RBM6: variants seen among roughly 807,000 people sequenced by gnomAD.
RBM6 encodes the protein RNA binding motif protein 6.
A neutral mutation model predicts 140.4 loss-of-function variants in RBM6; 23 were observed. The ratio of observed to expected loss-of-function variants is 0.16; its 90% CI spans 0.12 to 0.23. The LOEUF (loss-of-function observed/expected upper bound fraction) is 0.23, where lower values mean the gene tolerates loss of function less well. RBM6 is among the 10% of genes least tolerant of loss of function. The pLI is 1.00. For synonymous variants in RBM6, 439 were observed against 475.6 expected (o/e 0.92, Z 1.00); for missense variants, 1,139 against 1,386.7 (o/e 0.82, Z 2.84).
chr3:49,953,377 G>A (rs544404216), intron 1 of RBM6, among the ~76,000 whole-genome samples: 2 of 151,874 alleles, frequency 1.3e-5, no homozygotes, highest in African/African-American at 2.4e-5. Context: ...GTGCCACCAC[G>A]CCCAGCTAAT....
intron 15 of RBM6, among the ~76,000 whole-genome samples, chr3:50,063,210 G>C (rs1038698515): frequency 1.3e-5 from 2 of 151,970 alleles, no homozygotes; most frequent in Non-Finnish European, 2.9e-5. Context: ...ATCTTATACT[G>C]TCATAATATA....
At position 50,070,562 on chromosome 3, in the gene RBM6, G is replaced by GAACT. The variant is rs1559656745; in HGVS notation, c.3116+11_3116+14dup. 3 of 1,600,452 alleles carry GAACT rather than the reference G, an allele frequency of 1.9e-6. No homozygotes were observed. In the East Asian group the frequency reaches 6.7e-5, roughly 36 times the overall value. ...CCAGGGAAACTGACAGGTAAGCCAG[G>GAACT]AACTCTTCATTCAGCCTAGGCCTCA... On this transcript the variant is annotated intron_variant, in intron 19 of 20. Transcript: ENST00000266022.
At chr3:49,969,611 T>C (rs879598363) in intron 3 of RBM6, among the ~76,000 whole-genome samples, 10 of 151,510 alleles carry the variant, frequency 6.6e-5, no homozygotes, top group Non-Finnish European at 1.0e-4. Flanking sequence ...TATATATATA[T>C]ATTTGAGACA....
rs188036997 is a variant in RBM6 at position 50,062,243 on chromosome 3, G to A, written c.2586+135G>A. The stretch of plus-strand genomic sequence containing the variant: ...CTGTCAGCCGGGCGTGGTGGCTAAC[G>A]CCTGTAATCCCAGCACTTTGGGAGG... On this transcript the variant is annotated intron_variant, in intron 15 of 20. Coordinates refer to ENST00000266022, the MANE Select transcript of RBM6 (RefSeq NM_005777.3). 4.7e-6 allele frequency: 5 copies of A among 1,056,454 alleles called. No homozygotes were observed. In the Admixed American group the frequency reaches 9.0e-5, roughly 19 times the overall value. The allele number at this position is 1,056,454 out of a possible 1,614,324, so 65.4% of individuals were successfully genotyped here. A position where few individuals can be genotyped will look rare whatever the true frequency, so the allele number is the denominator to read the frequency against.
At chr3:50,015,203 G>A (rs2108777903) in intron 6 of RBM6, among the ~76,000 whole-genome samples, 1 of 151,052 alleles carries the variant, frequency 6.6e-6, no homozygotes, top group East Asian at 2.0e-4. Flanking sequence ...CGCCTGCCAG[G>A]TTCAAGTGGT....
intron 6 of RBM6, among the ~76,000 whole-genome samples, chr3:50,028,014 A>G (rs1343470662): frequency 2.0e-5 from 3 of 150,566 alleles, no homozygotes; most frequent in Non-Finnish European, 4.4e-5. Context: ...TATTTGCATT[A>G]CCCATTTGAA....
chr3:50,027,185 TAG>T (rs2087889255), intron 6 of RBM6, among the ~76,000 whole-genome samples: 1 of 152,072 alleles, frequency 6.6e-6, no homozygotes, highest in Non-Finnish European at 1.5e-5. Flanking sequence ...AGTGTTCACT[TAG>T]AGGCTTGGGG....
chr3:50,021,245 T>C (rs2087464922), intron 6 of RBM6, among the ~76,000 whole-genome samples: 1 of 152,200 alleles, frequency 6.6e-6, no homozygotes, highest in Non-Finnish European at 1.5e-5. Context: ...TCTATGCATG[T>C]ATCATCTATC....
At chr3:50,040,471 AATAT>A (rs869038826) in intron 6 of RBM6, among the ~76,000 whole-genome samples, 486 of 33,496 alleles carry the variant, frequency 0.015, 20 homozygotes, top group East Asian at 0.066. Flanking sequence ...AAAAAAAAAA[AATAT>A]ATATATATAT....
chr3:50,008,967 C>T (rs1278680644), intron 6 of RBM6, among the ~76,000 whole-genome samples: 1 of 152,194 alleles, frequency 6.6e-6, no homozygotes, highest in Non-Finnish European at 1.5e-5. Context: ...AAGTGATCAG[C>T]ATGATAACTG....
chr3:50,052,626 T>C (rs1182005472), intron 7 of RBM6, among the ~76,000 whole-genome samples: 3 of 152,182 alleles, frequency 2.0e-5, no homozygotes, highest in Non-Finnish European at 4.4e-5. Context: ...CCACAGCAGC[T>C]CTCCTGTAGT....
chr3:50,011,842 T>TC (rs1460963889), intron 6 of RBM6, among the ~76,000 whole-genome samples: 2 of 151,386 alleles, frequency 1.3e-5, no homozygotes, highest in Middle Eastern at 3.2e-3. Context: ...TTTCTTTCTT[T>TC]TTTTTTTTTT....
At chr3:50,037,830 T>C (rs1387638590) in intron 6 of RBM6, among the ~76,000 whole-genome samples, 2 of 150,428 alleles carry the variant, frequency 1.3e-5, no homozygotes, top group Admixed American at 1.3e-4. Context: ...TTTTTTTTTT[T>C]TTTTTTTTGA....
At chr3:50,068,810 C>G in intron 18 of RBM6, 46 bp downstream of exon 18, 1 of 1,540,506 alleles carries the variant, frequency 6.5e-7, no homozygotes, top group Non-Finnish European at 9.0e-7. Flanking sequence ...GCTCTTTTTG[C>G]TTTCTGATAT....
intron 5 of RBM6, among the ~76,000 whole-genome samples, chr3:49,984,324 T>C (rs138436682): frequency 6.8e-4 from 103 of 151,830 alleles, no homozygotes; most frequent in East Asian, 2.7e-3. Context: ...ATGGTGAATG[T>C]AAAATAAAAT....
intron 5 of RBM6, among the ~76,000 whole-genome samples, chr3:49,985,708 G>A (rs769919839): frequency 1.3e-5 from 2 of 151,786 alleles, no homozygotes; most frequent in South Asian, 4.2e-4. Context: ...CCGGGTTCAC[G>A]CCATTCTCCT....
intron 8 of RBM6, 43 bp downstream of exon 8, chr3:50,054,438 G>A (rs1362696173): frequency 2.0e-6 from 3 of 1,483,708 alleles, no homozygotes; most frequent in Non-Finnish European, 9.4e-7. Flanking sequence ...CGTGCATTGA[G>A]CAAAACAAAT....
chr3:49,967,621 G>A lies in RBM6; in HGVS notation c.196G>A (p.Ala66Thr). The change falls in exon 3 of 21, where the codon GCA (alanine) becomes ACA (threonine). Residue 66 changes from alanine to threonine, a missense_variant. Physicochemically the swap from Ala to Thr is moderately conservative, Grantham distance 58. Around this residue, in one of 9 missense-constraint regions of RBM6, gnomAD observed 566 missense variants for 612.7 expected, o/e 0.92. Coordinates refer to ENST00000266022, the MANE Select transcript of RBM6 (RefSeq NM_005777.3). This position sits in a 1 kb window ranked among gnomAD's most constrained non-coding sequence, Gnocchi z 4.0. ...DFQGHSGPPF[A>T]NVEEHSFSYG... ...CCAGGGGCATTCGGGGCCTCCTTTT[G>A]CAAATGTAGAGGAGCATTCTTTCAG... 6.2e-7 allele frequency: 1 copy of A among 1,614,084 alleles called. No individual in the cohort carries two copies. Among genetic ancestry groups the A allele is most frequent in the Non-Finnish European group, 8.5e-7 (1 of 1,180,022 alleles).
intron 9 of RBM6, 93 bp downstream of exon 9, chr3:50,058,096 T>G: frequency 7.0e-7 from 1 of 1,433,248 alleles, no homozygotes. Context: ...TGCTTTCCAG[T>G]ACCCTGAGAG....
Sources: gnomAD v4.1 joint callset for allele counts (sites outside exome capture counted in the v4.1 genomes callset) on GRCh38, gnomAD v4.1.1 for gene constraint, gnomAD v4.1.1 regional missense constraint, Gnocchi (gnomAD v3.1) non-coding constraint, MANE v1.5 for transcripts, NCBI Gene and HGNC (gene_info 2026-07-23, HGNC 2026-07-21) for gene names.